The following NOS1AP variants were observed in gnomAD, a reference collection of about 807,000 sequenced individuals.
NOS1AP encodes the protein nitric oxide synthase 1 adaptor protein.
NOS1AP carries 21 observed loss-of-function variants against 56.2 expected under a neutral mutation model. The observed-to-expected ratio is 0.37, with a 90% CI of 0.26 to 0.54. NOS1AP has a LOEUF of 0.54. Ranked by LOEUF, NOS1AP falls within the 20% of genes least tolerant of loss-of-function variation. NOS1AP has a pLI of 0.84. For missense variants in NOS1AP, 522 were observed against 657.8 expected, an observed-to-expected ratio of 0.79 and a Z score of 2.26; for synonymous variants, 270 against 274.6, an observed-to-expected ratio of 0.98 and a Z score of 0.17.
intron 8 of NOS1AP, chr1:162,365,056 G>A (rs866076467): frequency 5.6e-5 from 68 of 1,211,366 alleles, no homozygotes; most frequent in African/African-American, 3.1e-4. Flanking sequence ...ATGGAGCACC[G>A]TGCGTGTGTG....
intron 2 of NOS1AP, among the ~76,000 whole-genome samples, chr1:162,273,334 T>C (rs911547944): frequency 1.3e-5 from 2 of 151,986 alleles, no homozygotes; most frequent in African/African-American, 4.8e-5. Context: ...CGGCTAATTT[T>C]TTTTGTATTT....
intron 2 of NOS1AP, among the ~76,000 whole-genome samples, chr1:162,249,083 C>T (rs745892539): frequency 2.3e-4 from 35 of 152,144 alleles, no homozygotes; most frequent in Non-Finnish European, 3.4e-4. Context: ...AATGGATCAG[C>T]GTGGGGGAGC....
rs116991769 is a variant in NOS1AP, at chr1:162,110,143, T to C, written c.105+39861T>C. On this transcript the variant is annotated intron_variant, in intron 1 of 9. Coordinates refer to ENST00000361897, the MANE Select transcript of NOS1AP (RefSeq NM_014697.3). ...TCCACTGCGCTGCATTCTACTGCTT[T>C]GCTCTCATTGAATAAATTAAATTCT... 5.4e-4 allele frequency among the ~76,000 whole-genome samples: 82 copies of C among 152,190 alleles called. No individual in the cohort carries two copies. In the East Asian group the frequency reaches 0.014, roughly 26 times the overall value.
intron 2 of NOS1AP, among the ~76,000 whole-genome samples, chr1:162,195,330 G>GCATT (rs769300814): frequency 5.9e-5 from 9 of 151,828 alleles, no homozygotes; most frequent in Non-Finnish European, 1.2e-4. Flanking sequence ...CTTACTCATT[G>GCATT]CATTTATCAC....
At chr1:162,139,147 T>A (rs1489389464) in intron 1 of NOS1AP, among the ~76,000 whole-genome samples, 1 of 152,128 alleles carries the variant, frequency 6.6e-6, no homozygotes, top group Admixed American at 6.5e-5. Flanking sequence ...TCTTAGCCCA[T>A]CCCGGGTTTT....
chr1:162,147,854 C>T (rs1424932161), intron 1 of NOS1AP, among the ~76,000 whole-genome samples: 1 of 152,078 alleles, frequency 6.6e-6, no homozygotes, highest in African/African-American at 2.4e-5. Context: ...AACTCCTTTA[C>T]CTTATTTCCC....
chr1:162,205,250 A>G (rs981436832), intron 2 of NOS1AP, among the ~76,000 whole-genome samples: 3 of 152,242 alleles, frequency 2.0e-5, no homozygotes, highest in South Asian at 4.1e-4. Flanking sequence ...GCCTGAATAC[A>G]TATCACTCCT....
chr1:162,157,970 G>GCT (rs1650040324), intron 2 of NOS1AP, among the ~76,000 whole-genome samples: 1 of 152,044 alleles, frequency 6.6e-6, no homozygotes, highest in South Asian at 2.1e-4. Context: ...AGCGTATTTT[G>GCT]CTTTTTTTCC....
chr1:162,314,107 T>C (rs1656151099), intron 4 of NOS1AP, among the ~76,000 whole-genome samples: 1 of 152,228 alleles, frequency 6.6e-6, no homozygotes, highest in Non-Finnish European at 1.5e-5. Context: ...AAAAGGCTAC[T>C]AAGCTGATTT....
intron 1 of NOS1AP, among the ~76,000 whole-genome samples, chr1:162,132,633 A>G (rs1478139924): frequency 6.6e-6 from 1 of 152,254 alleles, no homozygotes; most frequent in Non-Finnish European, 1.5e-5. Context: ...AGCTCATTAA[A>G]GCAATATGGA....
intron 2 of NOS1AP, among the ~76,000 whole-genome samples, chr1:162,203,816 C>A (rs1652070905): frequency 6.6e-6 from 1 of 152,168 alleles, no homozygotes; most frequent in Non-Finnish European, 1.5e-5. Flanking sequence ...TCCAGCAGGG[C>A]CCCAGAGGAT....
Position 162,087,778 on chromosome 1 carries a change from G to A in NOS1AP, c.105+17496G>A, listed in dbSNP as rs78449026. Among the ~76,000 whole-genome samples, 642 of 152,268 alleles carry A rather than the reference G, an allele frequency of 4.2e-3. 6 individuals carry two copies. Among genetic ancestry groups the A allele is most frequent in the South Asian group, 0.016 (75 of 4,824 alleles). ...AATTAAAGCAAACAGCCAGAACACA[G>A]CCAGACTGCACAGCATTCCACATGC... On this transcript the variant is annotated intron_variant, in intron 1 of 9. Transcript: ENST00000361897.
intron 2 of NOS1AP, among the ~76,000 whole-genome samples, chr1:162,220,974 ACT>A (rs1459437716): frequency 1.3e-5 from 2 of 152,048 alleles, no homozygotes; most frequent in African/African-American, 4.8e-5. Context: ...ACAGAGTCTC[ACT>A]CTGTCACGAG....
Position 162,331,194 on chromosome 1 carries a change from A to G in NOS1AP, c.345-1823A>G, listed in dbSNP as rs542223197. Among the ~76,000 whole-genome samples, 9 of 152,300 alleles carry G rather than the reference A, an allele frequency of 5.9e-5. No individual in the cohort carries two copies. In the East Asian group the frequency reaches 1.4e-3, roughly 23 times the overall value. ...TTAGAAGGATAGGGGACTGGAAACC[A>G]CACTAAACAGCCTCTATTTCAGAAC... On this transcript the variant is annotated intron_variant, in intron 4 of 9. Coordinates refer to ENST00000361897, the MANE Select transcript of NOS1AP (RefSeq NM_014697.3).
chr1:162,174,368 A>C (rs1427007580), intron 2 of NOS1AP, among the ~76,000 whole-genome samples: 1 of 141,576 alleles, frequency 7.1e-6, no homozygotes, highest in Non-Finnish European at 1.5e-5. Flanking sequence ...ATGAGAACAC[A>C]TGGACACAGG....
At chr1:162,346,888 G>C (rs948483873) in intron 6 of NOS1AP, among the ~76,000 whole-genome samples, 1 of 152,142 alleles carries the variant, frequency 6.6e-6, no homozygotes, top group Non-Finnish European at 1.5e-5. Context: ...ACGGAGCCTT[G>C]CATTTGGTCA....
chr1:162,116,790 T>C, intron 1 of NOS1AP, among the ~76,000 whole-genome samples: 1 of 152,216 alleles, frequency 6.6e-6, no homozygotes, highest in East Asian at 1.9e-4. Context: ...TAGAAGTTAC[T>C]GTGCACGTTA....
At chr1:162,289,250 TTCC>T (rs1655199766) in intron 3 of NOS1AP, among the ~76,000 whole-genome samples, 3 of 77,734 alleles carry the variant, frequency 3.9e-5, no homozygotes, top group African/African-American at 1.5e-4. Flanking sequence ...CCTTCCTTCC[TTCC>T]TTCCTTCCTT....
chr1:162,323,297 T>C (rs1388720472), intron 4 of NOS1AP, among the ~76,000 whole-genome samples: 2 of 152,252 alleles, frequency 1.3e-5, no homozygotes, highest in African/African-American at 4.8e-5. Flanking sequence ...AGATGTGGAA[T>C]AGATTCTCCC....
Sources: allele counts gnomAD v4.1 joint callset (sites outside exome capture counted in the v4.1 genomes callset), GRCh38; gene constraint gnomAD v4.1.1; transcripts MANE v1.5; gene names NCBI Gene and HGNC (gene_info 2026-07-23, HGNC 2026-07-21).